The following JPH3 variants were observed in gnomAD, a reference collection of about 807,000 sequenced individuals.
JPH3 encodes the protein junctophilin-3.
JPH3 carries 11 observed loss-of-function variants against 59.6 expected under a neutral mutation model. The ratio of observed to expected loss-of-function variants is 0.18; its 90% CI spans 0.12 to 0.31. The LOEUF (loss-of-function observed/expected upper bound fraction) is 0.31. Ranked by LOEUF, JPH3 falls within the 10% of genes least tolerant of loss-of-function variation. JPH3 has a pLI of 1.00. For missense variants in JPH3, 1,202 were observed against 1,105.7 expected (o/e 1.09, Z -1.24); for synonymous variants, 673 against 483.6 (o/e 1.39, Z -5.14).
intron 4 of JPH3, among the ~76,000 whole-genome samples, chr16:87,690,922 A>C (rs2142837317): frequency 6.6e-6 from 1 of 152,316 alleles, no homozygotes; most frequent in South Asian, 2.1e-4. Flanking sequence ...AGGAACCCAG[A>C]GGCGAAACAG....
intron 2 of JPH3, among the ~76,000 whole-genome samples, chr16:87,663,886 CA>C (rs11344593): frequency 0.066 from 10,058 of 152,160 alleles, 1,123 homozygotes; most frequent in African/African-American, 0.23. Flanking sequence ...CCCCATTCCC[CA>C]ACAAGCCCTG....
At chr16:87,686,116 C>T (rs1174795011) in intron 3 of JPH3, among the ~76,000 whole-genome samples, 1 of 152,212 alleles carries the variant, frequency 6.6e-6, no homozygotes, top group Non-Finnish European at 1.5e-5. Flanking sequence ...CTCCCGACAC[C>T]TGGATCACGG....
In JPH3 at chr16:87,690,217, G is replaced by T; in HGVS notation, c.1857G>T (p.Leu619=). 3.1e-6 allele frequency: 5 copies of T among 1,604,032 alleles called. No homozygotes were observed. Among genetic ancestry groups the T allele is most frequent in the South Asian group, 2.2e-5 (2 of 89,426 alleles). The change falls in exon 4 of 5, where the codon CTG becomes CTT. Residue 619 remains leucine (L), a synonymous_variant. Coordinates refer to ENST00000284262, the MANE Select transcript of JPH3 (RefSeq NM_020655.4). ...ACCGGATGGAGATGAAACCCTTGCTGAGGATGGAGACGCATCCCCAGAAAA... is the reference window on the plus strand; with the variant it reads ...ACCGGATGGAGATGAAACCCTTGCTTAGGATGGAGACGCATCCCCAGAAAA... ...SNYRMEMKPL[L]RMETHPQKRR...
intron 2 of JPH3, among the ~76,000 whole-genome samples, chr16:87,656,591 T>C (rs377303302): frequency 6.6e-6 from 1 of 152,300 alleles, no homozygotes; most frequent in Non-Finnish European, 1.5e-5. Flanking sequence ...AATAAATGAA[T>C]CAGTCAGTGC....
intron 2 of JPH3, among the ~76,000 whole-genome samples, chr16:87,670,214 T>C (rs2032979965): frequency 6.6e-6 from 1 of 151,514 alleles, no homozygotes; most frequent in South Asian, 2.1e-4. Flanking sequence ...AGGGTGGGGG[T>C]CTGTGGGGAG....
At position 87,644,618 on chromosome 16, in the gene JPH3, C is replaced by T. The variant is rs1489676573; in HGVS notation, c.743C>T (p.Ala248Val). 14 of 1,612,346 alleles carry T rather than the reference C, an allele frequency of 8.7e-6. No individual in the cohort carries two copies. Among genetic ancestry groups the T allele is most frequent in the East Asian group, 2.2e-5 (1 of 44,864 alleles). The change falls in exon 2 of 5, where the codon GCG becomes GTG. Residue 248 changes from alanine to valine, a missense_variant. Ala to Val is a moderately conservative substitution (Grantham distance 64, BLOSUM62 0). Coordinates refer to ENST00000284262, the MANE Select transcript of JPH3 (RefSeq NM_020655.4). ...RSKQSSFRSE[A>V]GMSTVSSTAS... is the part of the protein sequence containing the mutation. The stretch of plus-strand genomic sequence containing the variant: ...AAGCAGAGCTCCTTTCGCAGCGAGG[C>T]GGGCATGAGCACCGTCAGCTCCACG...
chr16:87,607,091 C>G (rs1449499525), intron 1 of JPH3, among the ~76,000 whole-genome samples: 1 of 152,162 alleles, frequency 6.6e-6, no homozygotes, highest in Non-Finnish European at 1.5e-5. Flanking sequence ...TCTTTCCTCT[C>G]GTTTATATCT....
rs140938250 is a variant in JPH3, at chr16:87,627,396, C to T, written c.383-16862C>T. On this transcript the variant is annotated intron_variant, in intron 1 of 4. Transcript: ENST00000284262. ...GGTCTCCAGAACCTTCTGTAGGCCT[C>T]TGCATGCTCACAGGTTAGACCACTG... Among the ~76,000 whole-genome samples the T allele has an allele frequency of 1.3e-3, 202 of 152,348 alleles. 2 individuals are homozygous for T. The Middle Eastern group carries it at 0.014, about 10-fold the overall frequency.
intron 2 of JPH3, among the ~76,000 whole-genome samples, chr16:87,677,225 CAAAA>C (rs59575544): frequency 0.045 from 3,661 of 81,592 alleles, 180 homozygotes; most frequent in Admixed American, 0.13. Context: ...CACACACACA[CAAAA>C]AAAAAAATTA....
At chr16:87,650,706 C>G (rs2032300673) in intron 2 of JPH3, among the ~76,000 whole-genome samples, 1 of 152,194 alleles carries the variant, frequency 6.6e-6, no homozygotes, top group South Asian at 2.1e-4. Flanking sequence ...AAGAGAAGAT[C>G]AAACTAACCA....
chr16:87,681,800 GC>G (rs2033302600), intron 2 of JPH3, among the ~76,000 whole-genome samples: 1 of 152,182 alleles, frequency 6.6e-6, no homozygotes, highest in Non-Finnish European at 1.5e-5. Flanking sequence ...GGAGCTTGGA[GC>G]CTGCTTTCCT....
At chr16:87,619,096 A>G (rs1018043788) in intron 1 of JPH3, among the ~76,000 whole-genome samples, 7 of 151,960 alleles carry the variant, frequency 4.6e-5, no homozygotes, top group Admixed American at 2.6e-4. Flanking sequence ...TCAAAAAAAA[A>G]AAAAAGGGGG....
chr16:87,665,035 C>T lies in JPH3; in HGVS notation c.1161-19107C>T, dbSNP rs551463063. On this transcript the variant is annotated intron_variant, in intron 2 of 4. Coordinates refer to ENST00000284262, the MANE Select transcript of JPH3 (RefSeq NM_020655.4). Reference sequence around the variant, plus strand: ...TGTTTGCTCCCGTTTGACAAATGGTCGGTGCTCCTTGAACGGATAAACAGG... The same window carrying T: ...TGTTTGCTCCCGTTTGACAAATGGTTGGTGCTCCTTGAACGGATAAACAGG... Among the ~76,000 whole-genome samples the T allele has an allele frequency of 3.9e-5, 6 of 152,350 alleles. No individual in the cohort carries two copies. In the South Asian group the frequency reaches 8.3e-4, roughly 21 times the overall value.
intron 1 of JPH3, chr16:87,604,784 C>A: frequency 2.4e-6 from 1 of 416,168 alleles, no homozygotes; most frequent in Non-Finnish European, 3.2e-6. Context: ...CGTTATTACC[C>A]GAAGAGGAGG....
At chr16:87,617,384 C>T (rs1275039545) in intron 1 of JPH3, among the ~76,000 whole-genome samples, 1 of 145,742 alleles carries the variant, frequency 6.9e-6, no homozygotes, top group East Asian at 2.0e-4. Flanking sequence ...ATTTAAAAAG[C>T]TGCTGCCAAC....
intron 1 of JPH3, among the ~76,000 whole-genome samples, chr16:87,609,625 A>G (rs921203179): frequency 2.0e-5 from 3 of 152,212 alleles, no homozygotes; most frequent in African/African-American, 7.2e-5. Context: ...TATTCCTGCC[A>G]TAGGATATGT....
rs1395248561 is a variant in JPH3 at position 87,683,361 on chromosome 16, A to G, written c.1161-781A>G. 3.3e-5 allele frequency among the ~76,000 whole-genome samples: 5 copies of G among 151,758 alleles called. 1 individual carries two copies. The highest frequency in any genetic ancestry group is 1.2e-4 in the African/African-American group (5 of 41,348). On this transcript the variant is annotated intron_variant, in intron 2 of 4. Coordinates refer to ENST00000284262, the MANE Select transcript of JPH3 (RefSeq NM_020655.4). ...GCTCTGTCACCCAGGCTGGAGTGCA[A>G]TGGCGTGATCTCCGCTCACTGCAAC...
chr16:87,689,387 G>A (rs1405402458), intron 3 of JPH3, among the ~76,000 whole-genome samples: 2 of 152,296 alleles, frequency 1.3e-5, no homozygotes, highest in Admixed American at 1.3e-4. Flanking sequence ...TAGCCTGGGA[G>A]CTGCTGTCCG....
intron 1 of JPH3, among the ~76,000 whole-genome samples, chr16:87,639,611 TCCTCCCTCCTGGCCTCCCTCCTGG>T (rs1166536403): frequency 2.0e-5 from 3 of 149,184 alleles, no homozygotes; most frequent in South Asian, 2.1e-4. Flanking sequence ...CTCCCTCCTG[TCCTCCCTCCTGGCCTCCCTCCTGG>T]CCTCCCGCCT....
Sources: gnomAD v4.1 joint callset for allele counts (sites outside exome capture counted in the v4.1 genomes callset) on GRCh38, gnomAD v4.1.1 for gene constraint, MANE v1.5 for transcripts, NCBI Gene and HGNC (gene_info 2026-07-23, HGNC 2026-07-21) for gene names.